The following SLC39A11 variants were observed in gnomAD, a reference collection of about 807,000 sequenced individuals.
SLC39A11 encodes the protein zinc transporter ZIP11.
Under a neutral mutation model 36.1 loss-of-function variants are expected in SLC39A11, and 33 were observed. The observed-to-expected ratio is 0.91, with a 90% CI of 0.69 to 1.22. SLC39A11 has a LOEUF of 1.22. Among genes scored for constraint, SLC39A11 ranks in the 50% most tolerant of loss-of-function variants. SLC39A11 has a pLI of 0.00. For synonymous variants in SLC39A11, 166 were observed against 170.3 expected (o/e 0.97, Z 0.20); for missense variants, 432 against 430.3 (o/e 1.00, Z -0.03).
intron 7 of SLC39A11, among the ~76,000 whole-genome samples, chr17:72,697,949 G>T (rs2072392309): frequency 6.6e-6 from 1 of 152,210 alleles, no homozygotes; most frequent in African/African-American, 2.4e-5. Flanking sequence ...TAAAAGCCTT[G>T]TCCAGGAACA....
chr17:72,786,540 G>A (rs745425753), intron 6 of SLC39A11, among the ~76,000 whole-genome samples: 4 of 152,114 alleles, frequency 2.6e-5, no homozygotes, highest in Non-Finnish European at 5.9e-5. Flanking sequence ...TGTTCAGCTT[G>A]TTACAAAAGC....
rs144315942 is a variant in SLC39A11 at position 73,076,875 on chromosome 17, C to T, written c.147+7933G>A. Among the ~76,000 whole-genome samples the T allele has an allele frequency of 2.5e-4, 38 of 151,668 alleles. 2 individuals carry two copies. The highest frequency in any genetic ancestry group is 1.7e-4 in the African/African-American group (7 of 41,324). On this transcript the variant is annotated intron_variant, in intron 3 of 9. Transcript: ENST00000255559. The stretch of plus-strand genomic sequence containing the variant: ...GCTGATACAACAAATTCTCTAGACC[C>T]GGGTTTCTCAGCCTTGGCATGACTG...
rs565669449 is a variant in SLC39A11 at position 72,905,903 on chromosome 17, G to A, written c.430+41849C>T. Among the ~76,000 whole-genome samples, 15 of 152,132 alleles carry A rather than the reference G, an allele frequency of 9.9e-5. No individual in the cohort carries two copies. The East Asian group carries it at 1.9e-3, about 20-fold the overall frequency. ...TGAGTAGCTGGGACTACAGGCGCCC[G>A]CCACCACGCCCGGCTAATGTTTTGT... On this transcript the variant is annotated intron_variant, in intron 5 of 9. Transcript: ENST00000255559.
At chr17:72,772,196 A>G (rs1328707266) in intron 6 of SLC39A11, among the ~76,000 whole-genome samples, 1 of 151,134 alleles carries the variant, frequency 6.6e-6, no homozygotes, top group Non-Finnish European at 1.5e-5. Context: ...CCTCCACCCC[A>G]GGAAGGGCAG....
chr17:72,897,861 GTAGT>G (rs2082109638), intron 5 of SLC39A11, among the ~76,000 whole-genome samples: 1 of 152,158 alleles, frequency 6.6e-6, no homozygotes, highest in Non-Finnish European at 1.5e-5. Flanking sequence ...TATACTGAGG[GTAGT>G]TAAAGTATCT....
At chr17:72,900,583 T>C (rs1184923503) in intron 5 of SLC39A11, among the ~76,000 whole-genome samples, 1 of 151,526 alleles carries the variant, frequency 6.6e-6, no homozygotes, top group East Asian at 2.0e-4. Context: ...TGATTTGCAC[T>C]TTTACAGTCA....
At chr17:72,784,860 CTTTTTTT>C (rs10594452) in intron 6 of SLC39A11, among the ~76,000 whole-genome samples, 3 of 134,722 alleles carry the variant, frequency 2.2e-5, no homozygotes, top group Non-Finnish European at 4.8e-5. Flanking sequence ...TTTCTTTCTT[CTTTTTTT>C]TTTTTTTTTT....
At chr17:72,698,459 C>CAAA (rs61454778) in intron 7 of SLC39A11, among the ~76,000 whole-genome samples, 4 of 93,000 alleles carry the variant, frequency 4.3e-5, no homozygotes, top group Admixed American at 1.3e-4. Context: ...TAATAAAAAC[C>CAAA]AAAAAAAAAA....
intron 5 of SLC39A11, among the ~76,000 whole-genome samples, chr17:72,905,246 G>A (rs1275596406): frequency 2.1e-5 from 3 of 142,198 alleles, no homozygotes; most frequent in Non-Finnish European, 4.5e-5. Context: ...TATGAAAATA[G>A]CAGTGCTTTG....
At chr17:72,661,169 G>A (rs183084732) in intron 7 of SLC39A11, among the ~76,000 whole-genome samples, 76 of 152,316 alleles carry the variant, frequency 5.0e-4, no homozygotes, top group South Asian at 1.0e-3. Context: ...TCCAAAGCCA[G>A]TGGTCACTCT....
chr17:72,700,574 A>G (rs1359222115), intron 7 of SLC39A11, among the ~76,000 whole-genome samples: 2 of 152,186 alleles, frequency 1.3e-5, no homozygotes, highest in African/African-American at 4.8e-5. Flanking sequence ...TTAATGAAGG[A>G]GACAGAACAA....
At chr17:73,012,156 GTCCCAGC>G (rs1449013420) in intron 4 of SLC39A11, among the ~76,000 whole-genome samples, 1 of 151,924 alleles carries the variant, frequency 6.6e-6, no homozygotes, top group Non-Finnish European at 1.5e-5. Flanking sequence ...GGCGCCTGTA[GTCCCAGC>G]TACTGGGGAG....
intron 7 of SLC39A11, among the ~76,000 whole-genome samples, chr17:72,649,645 T>C (rs1455107679): frequency 2.0e-5 from 1 of 49,160 alleles, no homozygotes; most frequent in South Asian, 4.6e-4. Flanking sequence ...TTTCTTTTTC[T>C]TTTTTTTTTT....
At chr17:72,760,287 C>G (rs1490523779) in intron 6 of SLC39A11, among the ~76,000 whole-genome samples, 1 of 152,250 alleles carries the variant, frequency 6.6e-6, no homozygotes, top group Admixed American at 6.5e-5. Flanking sequence ...CTTGGCCTCC[C>G]AAAGTGCTGG....
intron 4 of SLC39A11, among the ~76,000 whole-genome samples, chr17:73,001,644 G>A (rs1159950619): frequency 6.6e-6 from 1 of 152,096 alleles, no homozygotes; most frequent in Admixed American, 6.6e-5. Context: ...AAATAGGAAG[G>A]AAGAAGAGTT....
intron 6 of SLC39A11, among the ~76,000 whole-genome samples, chr17:72,811,206 T>G (rs1598833566): frequency 6.6e-6 from 1 of 151,866 alleles, no homozygotes. Flanking sequence ...TCTGGGAGGG[T>G]GCATTTTCTG....
At chr17:72,911,112 A>G (rs981972078) in intron 5 of SLC39A11, among the ~76,000 whole-genome samples, 2 of 152,254 alleles carry the variant, frequency 1.3e-5, no homozygotes, top group Non-Finnish European at 2.9e-5. Context: ...CTTTATAAAT[A>G]GACCTTCCCT....
chr17:72,649,125 C>T (rs757229653), intron 8 of SLC39A11, 45 bp downstream of exon 8: 3 of 1,587,598 alleles, frequency 1.9e-6, no homozygotes, highest in Non-Finnish European at 2.6e-6. Flanking sequence ...AAGAAGCCCA[C>T]ATGGAGGATG....
At chr17:72,956,726 G>A (rs1021591521) in intron 4 of SLC39A11, among the ~76,000 whole-genome samples, 1 of 152,088 alleles carries the variant, frequency 6.6e-6, no homozygotes, top group Non-Finnish European at 1.5e-5. Flanking sequence ...CCTCCAGCTG[G>A]TGTTTATCAA....
Sources: gnomAD v4.1 joint callset for allele counts (sites outside exome capture counted in the v4.1 genomes callset) on GRCh38, gnomAD v4.1.1 for gene constraint, MANE v1.5 for transcripts, NCBI Gene and HGNC (gene_info 2026-07-23, HGNC 2026-07-21) for gene names.